The following SORCS2 variants were observed in gnomAD, a reference collection of about 807,000 sequenced individuals.
SORCS2 encodes VPS10 domain-containing receptor SorCS2.
A neutral mutation model predicts 141.6 loss-of-function variants in SORCS2; 100 were observed. The ratio of observed to expected loss-of-function variants is 0.71; its 90% CI spans 0.60 to 0.83. The LOEUF is 0.83. Ranked by LOEUF, SORCS2 falls within the 40% of genes least tolerant of loss-of-function variation. The pLI, the probability that SORCS2 is intolerant of heterozygous loss-of-function variation, is 0.00. For synonymous variants in SORCS2, 789 were observed against 676.9 expected (o/e 1.17, Z -2.57); for missense variants, 1,646 against 1,560.2 (o/e 1.05, Z -0.93).
At chr4:7,723,980 G>C in intron 19 of SORCS2, 97 bp downstream of exon 19, 1 of 1,382,582 alleles carries the variant, frequency 7.2e-7, no homozygotes, top group Non-Finnish European at 9.6e-7. Flanking sequence ...GATTGCTCTA[G>C]GCCCCTGGTA....
chr4:7,459,737 A>G (rs541352321), intron 2 of SORCS2, among the ~76,000 whole-genome samples: 19 of 152,228 alleles, frequency 1.2e-4, no homozygotes, highest in South Asian at 2.1e-4. Context: ...AAGCCTCTCC[A>G]TGGCCAGCCC....
At chr4:7,665,087 G>T (rs759946365) in intron 7 of SORCS2, among the ~76,000 whole-genome samples, 2 of 152,144 alleles carry the variant, frequency 1.3e-5, no homozygotes, top group African/African-American at 4.8e-5. Flanking sequence ...CCATCCACTG[G>T]GTTCTGTTCT....
intron 4 of SORCS2, among the ~76,000 whole-genome samples, chr4:7,651,924 CCTT>C (rs1346870025): frequency 6.6e-6 from 1 of 152,182 alleles, no homozygotes; most frequent in Non-Finnish European, 1.5e-5. Context: ...GCTTTGGTGA[CCTT>C]CATCGGTTTA....
rs1727498089 is a variant in SORCS2 at position 7,201,815 on chromosome 4, G to T, written c.480+8689G>T. Among the ~76,000 whole-genome samples the T allele has an allele frequency of 6.6e-6, 1 of 151,410 alleles. No homozygotes were observed. The highest frequency in any genetic ancestry group is 1.5e-5 in the Non-Finnish European group (1 of 68,016). On this transcript the variant is annotated intron_variant, in intron 1 of 26. Coordinates refer to ENST00000507866, the MANE Select transcript of SORCS2 (RefSeq NM_020777.3). This position sits in a 1 kb window ranked among gnomAD's most constrained non-coding sequence, Gnocchi z 4.4. ...TGGATTGCAGGGATGCCGATGACCT[G>T]AGAAGCCTGGCTGTGCTGCAGCTGC...
At chr4:7,246,041 G>A (rs999225887) in intron 1 of SORCS2, among the ~76,000 whole-genome samples, 17 of 152,190 alleles carry the variant, frequency 1.1e-4, no homozygotes, top group African/African-American at 4.1e-4. Context: ...AAGGGATTGT[G>A]CCAAATCCCT....
At chr4:7,216,767 C>T (rs141375701) in intron 1 of SORCS2, among the ~76,000 whole-genome samples, 156 of 152,260 alleles carry the variant, frequency 1.0e-3, no homozygotes, top group African/African-American at 3.7e-3. Context: ...ACACCTGCAA[C>T]GTTTCTACAA....
chr4:7,490,441 T>C (rs1311387779), intron 2 of SORCS2, among the ~76,000 whole-genome samples: 2 of 152,142 alleles, frequency 1.3e-5, no homozygotes. Context: ...AAGAAAGGTC[T>C]CTGCCCCAGG....
chr4:7,415,331 T>A (rs1310737615), intron 2 of SORCS2, among the ~76,000 whole-genome samples: 4 of 151,880 alleles, frequency 2.6e-5, no homozygotes, highest in Non-Finnish European at 2.9e-5. Context: ...TAGGAAAGAA[T>A]CCATTCTCTT....
chr4:7,428,587 A>G (rs1030900636), intron 2 of SORCS2, among the ~76,000 whole-genome samples: 1 of 152,174 alleles, frequency 6.6e-6, no homozygotes, highest in Non-Finnish European at 1.5e-5. Context: ...GATGCTGGGC[A>G]GGGTTCTGCA....
chr4:7,339,719 G>C (rs561533815), intron 1 of SORCS2, among the ~76,000 whole-genome samples: 5 of 152,192 alleles, frequency 3.3e-5, no homozygotes, highest in African/African-American at 7.2e-5. Flanking sequence ...AGGTCCTGGG[G>C]GTTAGGACTT....
intron 4 of SORCS2, among the ~76,000 whole-genome samples, chr4:7,651,044 TG>T (rs200114759): frequency 0.014 from 2,206 of 152,140 alleles, 58 homozygotes; most frequent in African/African-American, 0.049. Context: ...AAAGATGAAC[TG>T]GGGACATCAG....
chr4:7,470,329 C>T (rs1020526498), intron 2 of SORCS2, among the ~76,000 whole-genome samples: 21 of 151,914 alleles, frequency 1.4e-4, no homozygotes, highest in Non-Finnish European at 2.8e-4. Flanking sequence ...TCCCATCCAC[C>T]CACACATCCA....
intron 2 of SORCS2, among the ~76,000 whole-genome samples, chr4:7,514,548 G>C (rs996270259): frequency 3.9e-5 from 6 of 152,034 alleles, no homozygotes; most frequent in Non-Finnish European, 8.8e-5. Flanking sequence ...ATAGAGTCAT[G>C]GCAGGGCAGA....
At chr4:7,657,206 G>A (rs1157879916) in intron 5 of SORCS2, among the ~76,000 whole-genome samples, 4 of 152,250 alleles carry the variant, frequency 2.6e-5, no homozygotes, top group Non-Finnish European at 5.9e-5. Context: ...CAGAGCAAGA[G>A]ACTAAAGGAA....
intron 3 of SORCS2, among the ~76,000 whole-genome samples, chr4:7,608,103 C>A (rs529965151): frequency 1.3e-5 from 2 of 152,288 alleles, no homozygotes; most frequent in South Asian, 2.1e-4. Context: ...TCCCTCTGGG[C>A]ACCCCTGGGA....
intron 2 of SORCS2, among the ~76,000 whole-genome samples, chr4:7,403,632 G>A (rs988545802): frequency 6.6e-6 from 1 of 151,750 alleles, no homozygotes; most frequent in African/African-American, 2.4e-5. Context: ...ATTTCTTTAC[G>A]GTAGGATTTA....
intron 9 of SORCS2, among the ~76,000 whole-genome samples, chr4:7,677,018 C>G (rs1391821721): frequency 6.8e-6 from 1 of 146,658 alleles, no homozygotes; most frequent in Non-Finnish European, 1.5e-5. Flanking sequence ...GTGAAGTTGG[C>G]CTCTCTCTCT....
At chr4:7,673,748 G>A (rs562054343) in intron 8 of SORCS2, among the ~76,000 whole-genome samples, 42 of 152,172 alleles carry the variant, frequency 2.8e-4, no homozygotes, top group Admixed American at 4.6e-4. Context: ...CAGGGGCATA[G>A]GAGGCACCAT....
At chr4:7,375,698 A>G (rs958364542) in intron 1 of SORCS2, among the ~76,000 whole-genome samples, 1 of 152,234 alleles carries the variant, frequency 6.6e-6, no homozygotes, top group African/African-American at 2.4e-5. Flanking sequence ...AACCAAAACA[A>G]AAATGCATGT....
Sources: allele counts gnomAD v4.1 joint callset (sites outside exome capture counted in the v4.1 genomes callset), GRCh38; gene constraint gnomAD v4.1.1; non-coding constraint Gnocchi (gnomAD v3.1); transcripts MANE v1.5; gene names NCBI Gene and HGNC (gene_info 2026-07-23, HGNC 2026-07-21).